SLC15A4: variants seen among roughly 807,000 people sequenced by gnomAD.
SLC15A4 encodes the protein solute carrier family 15 member 4.
SLC15A4 carries 26 observed loss-of-function variants against 46.1 expected under a neutral mutation model. That is an observed-to-expected ratio of 0.56 (90% confidence interval 0.41 to 0.78). The LOEUF (loss-of-function observed/expected upper bound fraction) is 0.78. Among genes scored for constraint, SLC15A4 ranks in the 30% least tolerant of loss-of-function variants. SLC15A4 has a pLI of 0.00. For missense variants in SLC15A4, 751 were observed against 755.7 expected (o/e 0.99, Z 0.07); for synonymous variants, 370 against 333.4 (o/e 1.11, Z -1.20).
chr12:128,795,589 G>A (rs987467967), intron 7 of SLC15A4, among the ~76,000 whole-genome samples: 1 of 152,182 alleles, frequency 6.6e-6, no homozygotes, highest in Non-Finnish European at 1.5e-5. Flanking sequence ...CTAGCAACAC[G>A]TGCCACGGTC....
chr12:128,822,405 T>A (rs984028901), intron 1 of SLC15A4, among the ~76,000 whole-genome samples: 1 of 152,234 alleles, frequency 6.6e-6, no homozygotes, highest in Non-Finnish European at 1.5e-5. Context: ...GGGCTTCCCC[T>A]TCCCTCAGCT....
intron 7 of SLC15A4, among the ~76,000 whole-genome samples, chr12:128,795,238 T>A (rs1178944114): frequency 6.6e-6 from 1 of 152,172 alleles, no homozygotes; most frequent in African/African-American, 2.4e-5. Flanking sequence ...AAGGAAGAGA[T>A]GAGCTGGTTT....
intron 7 of SLC15A4, among the ~76,000 whole-genome samples, chr12:128,796,275 A>G (rs2135702389): frequency 6.6e-6 from 1 of 152,164 alleles, no homozygotes; most frequent in Admixed American, 6.5e-5. Flanking sequence ...AATACAAATA[A>G]TTAGCCAGGC....
chr12:128,819,501 CT>C (rs1955805722), intron 1 of SLC15A4: 1 of 152,194 alleles, frequency 6.6e-6, no homozygotes, highest in Non-Finnish European at 1.5e-5. Flanking sequence ...TAAGGACATT[CT>C]TTTAACGGCA....
intron 5 of SLC15A4, 79 bp from the exon 6 acceptor site, chr12:128,801,088 A>C: frequency 7.4e-7 from 1 of 1,345,068 alleles, no homozygotes; most frequent in Non-Finnish European, 1.0e-6. Context: ...GTTGGCTACG[A>C]GACTTCGTAG....
At chr12:128,794,615 C>T (rs1200261536) in intron 7 of SLC15A4, among the ~76,000 whole-genome samples, 1 of 152,198 alleles carries the variant, frequency 6.6e-6, no homozygotes, top group Non-Finnish European at 1.5e-5. Context: ...AGCAGCCCAT[C>T]CCTCTCTTCT....
rs933524971 is a variant in SLC15A4 at position 128,813,522 on chromosome 12, A to G, written c.842+1253T>C. 5 of 152,342 alleles carry G rather than the reference A, an allele frequency of 3.3e-5. No individual in the cohort carries two copies. In the South Asian group the frequency reaches 8.3e-4, roughly 25 times the overall value. The allele number at this position is 152,342 out of a possible 1,614,324, so 9.4% of individuals were successfully genotyped here. ...ACAGGGCTATTTTGGTGAAGTTTCA[A>G]TCTACCACGTGGAAGGAATATTAGA... On this transcript the variant is annotated intron_variant, in intron 2 of 7. Transcript: ENST00000266771.
intron 7 of SLC15A4, among the ~76,000 whole-genome samples, chr12:128,798,778 C>T (rs1296544228): frequency 2.6e-5 from 4 of 152,152 alleles, no homozygotes; most frequent in African/African-American, 9.7e-5. Context: ...TGATTGATCA[C>T]AAGTAATATG....
intron 2 of SLC15A4, 91 bp downstream of exon 2, chr12:128,814,684 C>T: frequency 2.2e-6 from 3 of 1,375,394 alleles, no homozygotes; most frequent in Non-Finnish European, 3.0e-6. Flanking sequence ...GCCCAGCACA[C>T]AATAAGCACA....
Position 128,809,420 on chromosome 12 carries a change from T to C in SLC15A4, c.1065A>G (p.Ser355=), listed in dbSNP as rs1345875030. 7 of 1,608,386 alleles carry C rather than the reference T, an allele frequency of 4.4e-6. No homozygotes were observed. Among genetic ancestry groups the C allele is most frequent in the South Asian group, 3.3e-5 (3 of 90,290 alleles). ...QSLHLRIPEI[S]NITTTPHTLP... ...CCGTGTGAGGAGTGGTTGTAATATT[T>C]GAAATTTCTGGAATCCTCAAATGAA... Residue 355 remains serine (S), a synonymous_variant, in exon 4 of 8, where the codon TCA becomes TCG. Transcript: ENST00000266771.
intron 5 of SLC15A4, among the ~76,000 whole-genome samples, chr12:128,804,865 G>C (rs148184845): frequency 2.2e-4 from 33 of 152,318 alleles, no homozygotes; most frequent in Middle Eastern, 3.4e-3. Flanking sequence ...CCTGCCTACA[G>C]AGAAAAAGAG....
chr12:128,804,498 A>AGGC (rs1955556071), intron 5 of SLC15A4, among the ~76,000 whole-genome samples: 2 of 152,154 alleles, frequency 1.3e-5, no homozygotes, highest in Non-Finnish European at 2.9e-5. Flanking sequence ...TTGGGAGGCC[A>AGGC]AGGTGGGCAG....
Position 128,814,858 on chromosome 12 carries a change from A to T in SLC15A4, c.759T>A (p.Asp253Glu), listed in dbSNP as rs1955725963. Residue 253 changes from aspartate to glutamate, a missense_variant, in exon 2 of 8, where the codon GAT becomes GAA. Transcript: ENST00000266771. ...TGAACATGTCGGTGAAGGCACTGCCATCAGGAGGCTTGGTGATGAAAACGC... is the reference window on the plus strand; with the variant it reads ...TGAACATGTCGGTGAAGGCACTGCCTTCAGGAGGCTTGGTGATGAAAACGC... ...GQSVFITKPP[D>E]GSAFTDMFKI... 6.2e-7 allele frequency: 1 copy of T among 1,614,250 alleles called. No individual in the cohort carries two copies. The highest frequency in any genetic ancestry group is 8.5e-7 in the Non-Finnish European group (1 of 1,180,040).
chr12:128,804,166 G>C (rs981532918), intron 5 of SLC15A4, among the ~76,000 whole-genome samples: 8 of 151,998 alleles, frequency 5.3e-5, no homozygotes, highest in Non-Finnish European at 1.0e-4. Context: ...CCCAATGCAA[G>C]AATTATAAAA....
chr12:128,821,268 C>T (rs367664172), intron 1 of SLC15A4, among the ~76,000 whole-genome samples: 20 of 152,216 alleles, frequency 1.3e-4, no homozygotes, highest in African/African-American at 4.6e-4. Flanking sequence ...TCCACTTCAC[C>T]CACCTCCACT....
rs1357801268 is a variant in SLC15A4, at chr12:128,815,084, G to A, written c.547-14C>T. 6 of 1,600,922 alleles carry A rather than the reference G, an allele frequency of 3.7e-6. No individual in the cohort carries two copies. The highest frequency in any genetic ancestry group is 5.1e-6 in the Non-Finnish European group (6 of 1,170,082). ...TCGATCTTTAACCTAAAATAACAGG[G>A]AGGAAAGACACTTGAAAATATATGA... On this transcript the variant is annotated splice_polypyrimidine_tract_variant and intron_variant, in intron 1 of 7. Transcript: ENST00000266771.
chr12:128,813,024 C>A (rs1274161622), intron 2 of SLC15A4, among the ~76,000 whole-genome samples: 1 of 152,186 alleles, frequency 6.6e-6, no homozygotes, highest in East Asian at 1.9e-4. Flanking sequence ...GTCCACAGAA[C>A]AATGCTGTTC....
At chr12:128,814,545 T>C (rs1955717114) in intron 2 of SLC15A4, 1 of 507,062 alleles carries the variant, frequency 2.0e-6, no homozygotes, top group Non-Finnish European at 3.5e-6. Flanking sequence ...AAGTGCAACG[T>C]GGGGTTAAAG....
At chr12:128,798,772 T>C (rs950826039) in intron 7 of SLC15A4, among the ~76,000 whole-genome samples, 1 of 152,194 alleles carries the variant, frequency 6.6e-6, no homozygotes, top group African/African-American at 2.4e-5. Flanking sequence ...CCATTATGAT[T>C]GATCACAAGT....
Sources: allele counts gnomAD v4.1 joint callset (sites outside exome capture counted in the v4.1 genomes callset), GRCh38; gene constraint gnomAD v4.1.1; transcripts MANE v1.5; gene names NCBI Gene and HGNC (gene_info 2026-07-23, HGNC 2026-07-21).